STARD13: variants seen among roughly 807,000 people sequenced by gnomAD.
STARD13 encodes the protein StAR related lipid transfer domain containing 13.
In STARD13, 62 loss-of-function variants were observed where a neutral mutation model predicts 106.4. The observed-to-expected ratio is 0.58, with a 90% CI of 0.48 to 0.72. STARD13 has a LOEUF of 0.72. STARD13 is among the 30% of genes least tolerant of loss of function. The probability of loss-of-function intolerance (pLI) is 0.00; values close to 1 mark genes in which losing one functional copy is unlikely to be tolerated. For synonymous variants in STARD13, 565 were observed against 553.0 expected (o/e 1.02, Z -0.31); for missense variants, 1,387 against 1,424.0 (o/e 0.97, Z 0.42).
chr13:33,165,329 T>C lies in STARD13; in HGVS notation c.323+8A>G. On this transcript the variant is annotated splice_region_variant and intron_variant, in intron 3 of 13. Transcript: ENST00000336934. Reference sequence around the variant, plus strand: ...TGGAAAGAAACAAAAATACTTCACATGGTTTACCTGCAAAGAGGTTCTACA... The same window carrying C: ...TGGAAAGAAACAAAAATACTTCACACGGTTTACCTGCAAAGAGGTTCTACA... The C allele has an allele frequency of 6.2e-7, 1 of 1,604,812 alleles. No homozygotes were observed.
chr13:33,623,995 G>A, the STARD13 span, among the ~76,000 whole-genome samples: 1 of 152,198 alleles, frequency 6.6e-6, no homozygotes, highest in Non-Finnish European at 1.5e-5. Context: ...AATAACTGGA[G>A]CTGTCATATG....
chr13:33,117,070 G>A (rs918782962), intron 8 of STARD13, among the ~76,000 whole-genome samples: 15 of 152,092 alleles, frequency 9.9e-5, no homozygotes, highest in Admixed American at 8.5e-4. Context: ...AATTCATAAT[G>A]TTAACATTGT....
At chr13:33,411,560 G>T in the STARD13 span, among the ~76,000 whole-genome samples, 7 of 152,136 alleles carry the variant, frequency 4.6e-5, no homozygotes, top group Admixed American at 2.0e-4. Context: ...GTGGGAAGAG[G>T]CTCCCACCGA....
chr13:33,291,282 G>A (rs1261192895), intron 1 of STARD13, among the ~76,000 whole-genome samples: 1 of 152,204 alleles, frequency 6.6e-6, no homozygotes, highest in Non-Finnish European at 1.5e-5. Flanking sequence ...TCCTTCAGAT[G>A]TTTGTCAAAA....
chr13:33,328,433 G>A (rs1258761666), intron 1 of STARD13, among the ~76,000 whole-genome samples: 2 of 152,244 alleles, frequency 1.3e-5, no homozygotes, highest in African/African-American at 4.8e-5. Context: ...TGCACGAGAC[G>A]TGCTTAGCAC....
At chr13:33,647,669 T>G in the STARD13 span, among the ~76,000 whole-genome samples, 1 of 152,240 alleles carries the variant, frequency 6.6e-6, no homozygotes, top group Non-Finnish European at 1.5e-5. Flanking sequence ...GTTGAATCCC[T>G]GTTCATAATG....
At chr13:33,108,695 T>G (rs1364613089) in intron 12 of STARD13, among the ~76,000 whole-genome samples, 1 of 151,938 alleles carries the variant, frequency 6.6e-6, no homozygotes, top group African/African-American at 2.4e-5. Context: ...GCCGGATGGA[T>G]GGAAGGAGGG....
At chr13:33,259,459 T>A (rs59591753) in intron 1 of STARD13, among the ~76,000 whole-genome samples, 6,032 of 152,306 alleles carry the variant, frequency 0.04, 143 homozygotes, top group African/African-American at 0.057. Flanking sequence ...ACACTGGCTT[T>A]GGTGTCAGTT....
chr13:33,581,084 G>A, the STARD13 span, among the ~76,000 whole-genome samples: 2 of 152,184 alleles, frequency 1.3e-5, no homozygotes, highest in East Asian at 1.9e-4. Flanking sequence ...AAATTTTCTG[G>A]ACAATTAATT....
chr13:33,249,520 T>C (rs1334512697), intron 1 of STARD13, among the ~76,000 whole-genome samples: 1 of 152,224 alleles, frequency 6.6e-6, no homozygotes, highest in Non-Finnish European at 1.5e-5. Context: ...ACCTACAATG[T>C]GCCAGGCTTT....
intron 1 of STARD13, among the ~76,000 whole-genome samples, chr13:33,218,188 C>T (rs573020797): frequency 6.6e-6 from 1 of 152,244 alleles, no homozygotes; most frequent in South Asian, 2.1e-4. Flanking sequence ...AAGAGGAATG[C>T]GTGTTCAGAG....
chr13:33,600,934 G>T, the STARD13 span, among the ~76,000 whole-genome samples: 27 of 152,258 alleles, frequency 1.8e-4, no homozygotes, highest in Admixed American at 4.6e-4. Context: ...TGGTATGAAA[G>T]GGAAAAGTGC....
the STARD13 span, among the ~76,000 whole-genome samples, chr13:33,435,607 C>T: frequency 6.6e-6 from 1 of 152,056 alleles, no homozygotes; most frequent in Non-Finnish European, 1.5e-5. Context: ...AAAAATCTTA[C>T]TAAATTACTA....
chr13:33,460,217 A>G, the STARD13 span, among the ~76,000 whole-genome samples: 1 of 151,982 alleles, frequency 6.6e-6, no homozygotes. Context: ...GCCGGGCACG[A>G]TGGCTCATGT....
intron 1 of STARD13, among the ~76,000 whole-genome samples, chr13:33,275,208 T>C (rs1364613090): frequency 6.6e-6 from 1 of 152,224 alleles, no homozygotes; most frequent in Non-Finnish European, 1.5e-5. Context: ...AAACCTCTTT[T>C]GTTTCAAATT....
the STARD13 span, among the ~76,000 whole-genome samples, chr13:33,447,612 A>G: frequency 6.6e-6 from 1 of 152,218 alleles, no homozygotes; most frequent in South Asian, 2.1e-4. Flanking sequence ...GCAAGAGTAT[A>G]AAACATATGT....
upstream of STARD13, among the ~76,000 whole-genome samples, chr13:33,288,714 T>A (rs144729826): frequency 6.6e-6 from 1 of 152,230 alleles, no homozygotes; most frequent in African/African-American, 2.4e-5. Flanking sequence ...ATATCAACAT[T>A]TGGTTTTCTG....
intron 1 of STARD13, among the ~76,000 whole-genome samples, chr13:33,342,364 G>A (rs1249113062): frequency 6.6e-6 from 1 of 152,124 alleles, no homozygotes; most frequent in Admixed American, 6.5e-5. Context: ...CCAGAGGAGT[G>A]CTCATGCTAA....
chr13:33,373,025 CT>C, the STARD13 span, among the ~76,000 whole-genome samples: 1 of 152,052 alleles, frequency 6.6e-6, no homozygotes, highest in Non-Finnish European at 1.5e-5. Context: ...TTCAGAGCTA[CT>C]TTCTATTTTT....
Sources: allele counts gnomAD v4.1 joint callset (sites outside exome capture counted in the v4.1 genomes callset), GRCh38; gene constraint gnomAD v4.1.1; transcripts MANE v1.5; gene names NCBI Gene and HGNC (gene_info 2026-07-23, HGNC 2026-07-21).